The following EPHA6 variants were observed in gnomAD, a reference collection of about 807,000 sequenced individuals.
EPHA6 encodes the protein EPH receptor A6, also known as ephrin type-A receptor 6.
EPHA6 carries 50 observed loss-of-function variants against 112.0 expected under a neutral mutation model. That is an observed-to-expected ratio of 0.45 (90% CI 0.36 to 0.56). EPHA6 has a LOEUF of 0.56. EPHA6 is among the 20% of genes least tolerant of loss of function. EPHA6 has a pLI of 0.00. For missense variants in EPHA6, 1,280 were observed against 1,417.4 expected, an observed-to-expected ratio of 0.90 and a Z score of 1.56; for synonymous variants, 529 against 490.7, an observed-to-expected ratio of 1.08 and a Z score of -1.03.
At chr3:97,221,073 T>C (rs2078180062) in intron 3 of EPHA6, among the ~76,000 whole-genome samples, 1 of 151,950 alleles carries the variant, frequency 6.6e-6, no homozygotes, top group Admixed American at 6.6e-5. Context: ...CCCAGCACTT[T>C]GGGAGGCCAA....
At position 96,874,966 on chromosome 3, in the gene EPHA6, T is replaced by C. The variant is rs532221758; in HGVS notation, c.450+8077T>C. Among the ~76,000 whole-genome samples, 3 of 152,016 alleles carry C rather than the reference T, an allele frequency of 2.0e-5. No homozygotes were observed. The South Asian group carries it at 6.2e-4, about 32-fold the overall frequency. ...GCCATTCAGTAGTAGGAGGAGAACA[T>C]AGAAGATGCAGAGGAAAAGCCATGA... On this transcript the variant is annotated intron_variant, in intron 2 of 17. Transcript: ENST00000389672.
At chr3:97,173,470 T>C (rs2108433038) in intron 3 of EPHA6, among the ~76,000 whole-genome samples, 1 of 151,966 alleles carries the variant, frequency 6.6e-6, no homozygotes, top group African/African-American at 2.4e-5. Flanking sequence ...ATTTAGATTC[T>C]AGTCCTAAAA....
At chr3:97,468,036 ATC>A (rs934487382) in intron 7 of EPHA6, among the ~76,000 whole-genome samples, 32 of 151,700 alleles carry the variant, frequency 2.1e-4, no homozygotes, top group African/African-American at 7.5e-4. Flanking sequence ...GAATCTCAAA[ATC>A]TCTGTTGTTT....
chr3:97,171,406 G>T (rs377598334), intron 3 of EPHA6, among the ~76,000 whole-genome samples: 4 of 152,022 alleles, frequency 2.6e-5, no homozygotes, highest in East Asian at 3.9e-4. Context: ...TAGAATCTAG[G>T]GGGGAGGAAG....
At chr3:96,830,311 C>T (rs894840382) in intron 1 of EPHA6, among the ~76,000 whole-genome samples, 2 of 152,082 alleles carry the variant, frequency 1.3e-5, no homozygotes, top group African/African-American at 4.8e-5. Context: ...GTCTTTCTCA[C>T]TAATGCGCAT....
At chr3:96,823,643 A>G (rs1411494267) in intron 1 of EPHA6, among the ~76,000 whole-genome samples, 1 of 151,882 alleles carries the variant, frequency 6.6e-6, no homozygotes, top group Non-Finnish European at 1.5e-5. Context: ...AAGTCATAAA[A>G]GAATTGTATC....
intron 3 of EPHA6, among the ~76,000 whole-genome samples, chr3:97,025,326 T>A (rs955626275): frequency 1.3e-5 from 2 of 151,996 alleles, no homozygotes; most frequent in African/African-American, 4.8e-5. Context: ...AATGAGTAAA[T>A]AGGATTAATG....
At chr3:97,085,951 A>ATG (rs1434635976) in intron 3 of EPHA6, among the ~76,000 whole-genome samples, 3 of 145,886 alleles carry the variant, frequency 2.1e-5, no homozygotes, top group African/African-American at 5.4e-5. Flanking sequence ...ATATATATAC[A>ATG]CACTGAGATG....
At chr3:97,038,116 G>T (rs2045176502) in intron 3 of EPHA6, among the ~76,000 whole-genome samples, 1 of 151,828 alleles carries the variant, frequency 6.6e-6, no homozygotes, top group South Asian at 2.1e-4. Context: ...AGAGTAATTG[G>T]GATATCCTTC....
chr3:97,525,489 A>G lies in EPHA6; in HGVS notation c.2201-6869A>G, dbSNP rs140023971. On this transcript the variant is annotated intron_variant, in intron 10 of 17. Coordinates refer to ENST00000389672, the MANE Select transcript of EPHA6 (RefSeq NM_001080448.3). ...GAATCCTTTTTCCAGTAATTTGTAC[A>G]TCTCTTTTTTGGTGGGGTTGGTTAG... Among the ~76,000 whole-genome samples, 690 of 152,090 alleles carry G rather than the reference A, an allele frequency of 4.5e-3. 8 individuals are homozygous for G. Among genetic ancestry groups the G allele is most frequent in the African/African-American group, 0.015 (616 of 41,494 alleles).
intron 3 of EPHA6, among the ~76,000 whole-genome samples, chr3:97,020,977 T>A (rs773657256): frequency 6.6e-6 from 1 of 152,166 alleles, no homozygotes; most frequent in Non-Finnish European, 1.5e-5. Flanking sequence ...AGTGTTTTCT[T>A]CATTTTAATG....
chr3:97,319,311 A>T (rs1047795459), intron 5 of EPHA6, among the ~76,000 whole-genome samples: 1 of 151,666 alleles, frequency 6.6e-6, no homozygotes, highest in Non-Finnish European at 1.5e-5. Context: ...CAGCATTGAC[A>T]TGGCATTGTT....
intron 13 of EPHA6, among the ~76,000 whole-genome samples, chr3:97,611,997 A>G (rs889759922): frequency 6.6e-6 from 1 of 152,010 alleles, no homozygotes; most frequent in African/African-American, 2.4e-5. Flanking sequence ...ATTCAGCAAA[A>G]TCATCAAGTT....
intron 2 of EPHA6, among the ~76,000 whole-genome samples, chr3:96,932,768 T>C (rs2040387379): frequency 6.6e-6 from 1 of 152,206 alleles, no homozygotes; most frequent in Non-Finnish European, 1.5e-5. Flanking sequence ...AATGCGTAAT[T>C]GTAAAAAATA....
Position 97,641,707 on chromosome 3 carries a change from C to A in EPHA6, c.2784+3625C>A, listed in dbSNP as rs539861098. On this transcript the variant is annotated intron_variant, in intron 14 of 17. Transcript: ENST00000389672. ...CGCACCTGGAAAATCGGGTCACTCC[C>A]ACCCGAATATTGCGCTTTTCAGACC... Among the ~76,000 whole-genome samples the A allele has an allele frequency of 2.3e-4, 35 of 152,344 alleles. No homozygotes were observed. The South Asian group carries it at 2.7e-3, about 12-fold the overall frequency.
At chr3:96,839,502 C>T (rs1022386558) in intron 1 of EPHA6, among the ~76,000 whole-genome samples, 13 of 151,900 alleles carry the variant, frequency 8.6e-5, no homozygotes, top group East Asian at 5.8e-4. Context: ...GTTTGAGGAC[C>T]GCTGCCCTAA....
At chr3:96,983,586 T>G (rs1439897441) in intron 2 of EPHA6, among the ~76,000 whole-genome samples, 1 of 152,188 alleles carries the variant, frequency 6.6e-6, no homozygotes, top group African/African-American at 2.4e-5. Flanking sequence ...TTTCCTGAAT[T>G]TGAATGTTGG....
At chr3:97,126,585 A>G (rs2048187567) in intron 3 of EPHA6, among the ~76,000 whole-genome samples, 1 of 152,164 alleles carries the variant, frequency 6.6e-6, no homozygotes, top group African/African-American at 2.4e-5. Flanking sequence ...AGGAATTTAG[A>G]TATGCCACAC....
At chr3:97,680,122 T>C (rs568462454) in intron 14 of EPHA6, among the ~76,000 whole-genome samples, 1 of 152,322 alleles carries the variant, frequency 6.6e-6, no homozygotes, top group Admixed American at 6.5e-5. Context: ...TGACTTTGAT[T>C]TCCCTTTCCT....
Sources: gnomAD v4.1 joint callset for allele counts (sites outside exome capture counted in the v4.1 genomes callset) on GRCh38, gnomAD v4.1.1 for gene constraint, MANE v1.5 for transcripts, NCBI Gene and HGNC (gene_info 2026-07-23, HGNC 2026-07-21) for gene names.